Variants in SOHLH2 observed in about 807,000 individuals in gnomAD.
The protein encoded by SOHLH2 is spermatogenesis and oogenesis specific basic helix-loop-helix 2.
Under a neutral mutation model 50.4 loss-of-function variants are expected in SOHLH2, and 22 were observed. The observed-to-expected ratio is 0.44, with a 90% CI of 0.31 to 0.62. The LOEUF is 0.62. Among genes scored for constraint, SOHLH2 ranks in the 20% least tolerant of loss-of-function variants. The pLI, the probability that SOHLH2 is intolerant of heterozygous loss-of-function variation, is 0.08. For missense variants in SOHLH2, 412 were observed against 504.4 expected (o/e 0.82, Z 1.76); for synonymous variants, 185 against 187.3 (o/e 0.99, Z 0.10).
At chr13:36,191,217 G>C (rs910445183) in intron 5 of SOHLH2, among the ~76,000 whole-genome samples, 1 of 152,174 alleles carries the variant, frequency 6.6e-6, no homozygotes, top group African/African-American at 2.4e-5. Context: ...ATGAGAGAGA[G>C]AGAGACAGAG....
chr13:36,197,424 G>A (rs2138309610), intron 2 of SOHLH2, among the ~76,000 whole-genome samples: 1 of 152,280 alleles, frequency 6.6e-6, no homozygotes, highest in Non-Finnish European at 1.5e-5. Flanking sequence ...ATATACAAGT[G>A]TTTTGAGCTG....
intron 6 of SOHLH2, among the ~76,000 whole-genome samples, chr13:36,187,790 T>C (rs1399808828): frequency 6.6e-6 from 1 of 152,176 alleles, no homozygotes; most frequent in Non-Finnish European, 1.5e-5. Flanking sequence ...GCCTTCTGCC[T>C]CCTCAGGGAT....
intron 6 of SOHLH2, among the ~76,000 whole-genome samples, chr13:36,188,213 A>C (rs1467938878): frequency 2.0e-5 from 3 of 152,234 alleles, no homozygotes; most frequent in Non-Finnish European, 4.4e-5. Context: ...TGTAGGCAGA[A>C]GAATTGCTTG....
intron 6 of SOHLH2, among the ~76,000 whole-genome samples, chr13:36,181,694 A>T (rs1887260894): frequency 6.6e-6 from 1 of 152,202 alleles, no homozygotes; most frequent in South Asian, 2.1e-4. Context: ...ATTCTTGCTT[A>T]TAACAGTTTT....
At position 36,168,897 on chromosome 13, in the gene SOHLH2, A is replaced by G. The variant is rs1886889429; in HGVS notation, c.*137T>C. 2 of 1,409,528 alleles carry G rather than the reference A, an allele frequency of 1.4e-6. No homozygotes were observed. Among genetic ancestry groups the G allele is most frequent in the East Asian group, 2.6e-5 (1 of 38,878 alleles). The allele number at this position is 1,409,528 out of a possible 1,614,324, so 87.3% of individuals were successfully genotyped here. A position where few individuals can be genotyped will look rare whatever the true frequency, so the allele number is the denominator to read the frequency against. On this transcript the variant is annotated 3_prime_UTR_variant, in exon 11 of 11. Coordinates refer to ENST00000379881, the MANE Select transcript of SOHLH2 (RefSeq NM_017826.3). ...TGCAGAAGCTTTGAGTGCATTTATC[A>G]GAAGCCAAACCATGCCAACTCTTTT...
At chr13:36,192,128 CA>C (rs1649499000) in intron 4 of SOHLH2, among the ~76,000 whole-genome samples, 1 of 152,114 alleles carries the variant, frequency 6.6e-6, no homozygotes. Context: ...ACCTTTAAGC[CA>C]GATTCTAGTC....
intron 2 of SOHLH2, 74 bp downstream of exon 2, chr13:36,201,805 T>C: frequency 1.3e-6 from 2 of 1,569,620 alleles, no homozygotes; most frequent in Non-Finnish European, 1.7e-6. Flanking sequence ...ATATCATCTT[T>C]TTAGGAGTTT....
At chr13:36,169,123 G>GT in intron 10 of SOHLH2, 69 bp from the exon 11 acceptor site, 1 of 1,549,336 alleles carries the variant, frequency 6.5e-7, no homozygotes, top group Admixed American at 2.1e-5. Context: ...TGTCATGATT[G>GT]TATTTTCTAT....
At chr13:36,204,144 T>G (rs1449795551) in intron 1 of SOHLH2, among the ~76,000 whole-genome samples, 1 of 151,972 alleles carries the variant, frequency 6.6e-6, no homozygotes, top group Non-Finnish European at 1.5e-5. Flanking sequence ...AGAGATGAGG[T>G]TTCACCATGT....
At chr13:36,171,057 G>A (rs1886950412) in intron 9 of SOHLH2, among the ~76,000 whole-genome samples, 1 of 152,164 alleles carries the variant, frequency 6.6e-6, no homozygotes, top group Admixed American at 6.5e-5. Flanking sequence ...GTATGTGAAT[G>A]TGCACGTCAA....
chr13:36,201,217 G>C (rs1213958791), intron 2 of SOHLH2, among the ~76,000 whole-genome samples: 1 of 152,012 alleles, frequency 6.6e-6, no homozygotes, highest in Non-Finnish European at 1.5e-5. Context: ...AGAGCTAAGA[G>C]TGCTCACTTC....
At chr13:36,174,979 C>T (rs1593935512) in intron 6 of SOHLH2, 110 bp from the exon 7 acceptor site, 1 of 1,402,354 alleles carries the variant, frequency 7.1e-7, no homozygotes, top group Non-Finnish European at 9.4e-7. Flanking sequence ...ACCATCCCCT[C>T]CCTATATAGT....
intron 4 of SOHLH2, 44 bp from the exon 5 acceptor site, chr13:36,191,938 A>T: frequency 6.2e-7 from 1 of 1,607,000 alleles, no homozygotes; most frequent in Non-Finnish European, 8.5e-7. Flanking sequence ...GAAGTCACTT[A>T]AGGAGATGAC....
At chr13:36,198,701 G>T (rs1365016200) in intron 2 of SOHLH2, among the ~76,000 whole-genome samples, 1 of 152,162 alleles carries the variant, frequency 6.6e-6, no homozygotes, top group Non-Finnish European at 1.5e-5. Flanking sequence ...TTAAATTTAA[G>T]AATCTTTTAA....
intron 1 of SOHLH2, among the ~76,000 whole-genome samples, chr13:36,211,147 C>G (rs1869095722): frequency 6.6e-6 from 1 of 152,158 alleles, no homozygotes; most frequent in Non-Finnish European, 1.5e-5. Flanking sequence ...CAAAAATAAC[C>G]TATCTAATAC....
chr13:36,187,927 C>A (rs1450474875), intron 6 of SOHLH2, among the ~76,000 whole-genome samples: 2 of 152,140 alleles, frequency 1.3e-5, no homozygotes, highest in African/African-American at 4.8e-5. Context: ...ATGGCTCTGA[C>A]CACTAGCATA....
intron 10 of SOHLH2, 21 bp from the exon 11 acceptor site, chr13:36,169,075 C>T (rs781643695): frequency 6.2e-5 from 99 of 1,603,778 alleles, no homozygotes; most frequent in East Asian, 1.6e-4. Flanking sequence ...GGGGGAAAAA[C>T]CCACATTAAT....
At chr13:36,187,665 C>T (rs1407926952) in intron 6 of SOHLH2, among the ~76,000 whole-genome samples, 1 of 152,176 alleles carries the variant, frequency 6.6e-6, no homozygotes, top group Non-Finnish European at 1.5e-5. Flanking sequence ...ACTTGCTCAA[C>T]TTCCTCCCTG....
intron 6 of SOHLH2, among the ~76,000 whole-genome samples, chr13:36,176,161 C>T (rs977783486): frequency 6.6e-6 from 1 of 151,912 alleles, no homozygotes; most frequent in African/African-American, 2.4e-5. Flanking sequence ...AAATATAATC[C>T]AAGCCACTAA....
Sources: gnomAD v4.1 joint callset for allele counts (sites outside exome capture counted in the v4.1 genomes callset) on GRCh38, gnomAD v4.1.1 for gene constraint, MANE v1.5 for transcripts, NCBI Gene and HGNC (gene_info 2026-07-23, HGNC 2026-07-21) for gene names.